The following VEPH1 variants were observed in gnomAD, a reference collection of about 807,000 sequenced individuals.
VEPH1 encodes ventricular zone expressed PH domain containing 1.
In VEPH1, 80 loss-of-function variants were observed where a neutral mutation model predicts 85.2. The ratio of observed to expected loss-of-function variants is 0.94; its 90% CI spans 0.78 to 1.13. The LOEUF (loss-of-function observed/expected upper bound fraction) is 1.13. Among genes scored for constraint, VEPH1 ranks in the 50% most tolerant of loss-of-function variants. The pLI, the probability that VEPH1 is intolerant of heterozygous loss-of-function variation, is 0.00. For missense variants in VEPH1, 955 were observed against 980.5 expected (o/e 0.97, Z 0.35); for synonymous variants, 297 against 348.0 (o/e 0.85, Z 1.63).
intron 6 of VEPH1, 196 bp from the exon 7 acceptor site, chr3:157,381,572 A>G: frequency 1.7e-6 from 1 of 573,582 alleles, no homozygotes. Flanking sequence ...TACAAAAACT[A>G]GCCGGGCACA....
At chr3:157,422,251 G>T (rs1011946245) in intron 5 of VEPH1, among the ~76,000 whole-genome samples, 5 of 152,112 alleles carry the variant, frequency 3.3e-5, no homozygotes, top group African/African-American at 1.2e-4. Flanking sequence ...ATGGTCAGTG[G>T]GGGACATGAA....
rs758357645 is a variant in VEPH1 at position 157,261,199 on chromosome 3, A to C, written c.2437T>G (p.Cys813Gly). 6.2e-6 allele frequency: 10 copies of C among 1,613,728 alleles called. No homozygotes were observed. In the Admixed American group the frequency reaches 1.5e-4, roughly 24 times the overall value. ...DEKNAEEWLQ[C>G]INVAVAQAKE... is the part of the protein sequence containing the mutation. The stretch of plus-strand genomic sequence containing the variant: ...GCTTGGGCAACTGCCACGTTGATGC[A>C]CTGGAGCCATTCTTCTGCATTCTTC... The change falls in exon 14 of 14, where the codon TGC becomes GGC. Residue 813 changes from cysteine (C) to glycine (G), a missense_variant. Cys to Gly is a radical substitution (Grantham distance 159). Coordinates refer to ENST00000362010, the MANE Select transcript of VEPH1 (RefSeq NM_001167912.2).
chr3:157,329,684 G>A (rs1288131460), intron 9 of VEPH1, among the ~76,000 whole-genome samples: 1 of 151,682 alleles, frequency 6.6e-6, no homozygotes, highest in Non-Finnish European at 1.5e-5. Flanking sequence ...CTGCTCAGAT[G>A]AAAAGTCATA....
chr3:157,380,474 TA>T (rs1433551293), intron 7 of VEPH1, among the ~76,000 whole-genome samples: 1 of 152,234 alleles, frequency 6.6e-6, no homozygotes, highest in Non-Finnish European at 1.5e-5. Context: ...CCTTGTAACA[TA>T]ACCCTAGTCA....
chr3:157,487,992 C>T (rs149853027), intron 2 of VEPH1, among the ~76,000 whole-genome samples: 1 of 152,140 alleles, frequency 6.6e-6, no homozygotes, highest in Admixed American at 6.5e-5. Context: ...ATAACTCATT[C>T]TAGTCAATCT....
intron 7 of VEPH1, among the ~76,000 whole-genome samples, chr3:157,375,533 C>T (rs1165544221): frequency 6.6e-6 from 1 of 152,166 alleles, no homozygotes; most frequent in African/African-American, 2.4e-5. Context: ...TGTCTCTTTG[C>T]TGTACTCCAT....
intron 12 of VEPH1, among the ~76,000 whole-genome samples, chr3:157,267,531 T>G (rs890027782): frequency 2.0e-5 from 3 of 150,626 alleles, no homozygotes; most frequent in Non-Finnish European, 3.0e-5. Flanking sequence ...ATGCCTGTAA[T>G]CCCAGCACTT....
intron 11 of VEPH1, among the ~76,000 whole-genome samples, chr3:157,303,317 G>A (rs1719049695): frequency 1.3e-5 from 2 of 152,168 alleles, no homozygotes; most frequent in Non-Finnish European, 2.9e-5. Context: ...GTGGAATTGT[G>A]TATTTGTTTC....
At chr3:157,264,256 T>C (rs1608127) in intron 13 of VEPH1, among the ~76,000 whole-genome samples, 60,747 of 152,110 alleles carry the variant, frequency 0.4, 12,616 homozygotes, top group East Asian at 0.57. Context: ...CCCAGCTCAC[T>C]GCCATACCCA....
intron 2 of VEPH1, 143 bp from the exon 3 acceptor site, chr3:157,470,672 G>A: frequency 2.9e-6 from 2 of 698,196 alleles, no homozygotes; most frequent in Non-Finnish European, 4.8e-6. Context: ...ATACAATAAA[G>A]GCTTCCTTCC....
At chr3:157,395,453 G>T (rs910564886) in intron 6 of VEPH1, among the ~76,000 whole-genome samples, 1 of 152,164 alleles carries the variant, frequency 6.6e-6, no homozygotes, top group Non-Finnish European at 1.5e-5. Context: ...ATGTTGCTGA[G>T]CCCATGAATA....
Position 157,363,419 on chromosome 3 carries a change from T to C in VEPH1, c.1680A>G (p.Ala560=), listed in dbSNP as rs763372449. 3 of 1,613,014 alleles carry C rather than the reference T, an allele frequency of 1.9e-6. No homozygotes were observed. The highest frequency in any genetic ancestry group is 2.5e-6 in the Non-Finnish European group (3 of 1,179,766). Residue 560 remains alanine (A), a synonymous_variant, in exon 9 of 14, where the codon GCA becomes GCG. Transcript: ENST00000362010. ...TCTTCTTTCCAATTTCCATGGCATATGCTTTCACTTTGCTGAGGTTTTTTT... is the reference window on the plus strand; with the variant it reads ...TCTTCTTTCCAATTTCCATGGCATACGCTTTCACTTTGCTGAGGTTTTTTT... ...HLKKNLSKVK[A]YAMEIGKKIP...
chr3:157,347,277 T>C (rs548086203), intron 9 of VEPH1, among the ~76,000 whole-genome samples: 1 of 152,206 alleles, frequency 6.6e-6, no homozygotes, highest in Non-Finnish European at 1.5e-5. Context: ...AAAGACATGA[T>C]TGAGACATAG....
At chr3:157,445,497 T>C (rs1209503101) in intron 4 of VEPH1, among the ~76,000 whole-genome samples, 1 of 152,172 alleles carries the variant, frequency 6.6e-6, no homozygotes, top group East Asian at 1.9e-4. Context: ...GGTACGCACC[T>C]GCAGTCCCAG....
At chr3:157,270,608 T>G (rs1172009307) in intron 12 of VEPH1, among the ~76,000 whole-genome samples, 1 of 152,132 alleles carries the variant, frequency 6.6e-6, no homozygotes. Context: ...AGTATAATAA[T>G]AACAGGTCTC....
chr3:157,366,137 G>T (rs547413318), intron 7 of VEPH1, among the ~76,000 whole-genome samples: 1 of 152,164 alleles, frequency 6.6e-6, no homozygotes, highest in Non-Finnish European at 1.5e-5. Context: ...GATTCTGAGG[G>T]TTTAGGAGCT....
chr3:157,328,422 T>C (rs114863925), intron 9 of VEPH1, among the ~76,000 whole-genome samples: 183 of 152,350 alleles, frequency 1.2e-3, no homozygotes, highest in African/African-American at 4.4e-3. Context: ...ATAATGACCC[T>C]TGGCATCTAG....
chr3:157,401,886 G>T (rs534308441), intron 6 of VEPH1, among the ~76,000 whole-genome samples: 1 of 152,284 alleles, frequency 6.6e-6, no homozygotes, highest in African/African-American at 2.4e-5. Flanking sequence ...TAGTTAGGAT[G>T]TCTGCAGAAG....
chr3:157,433,937 A>T (rs1252509857), intron 4 of VEPH1, among the ~76,000 whole-genome samples: 1 of 152,160 alleles, frequency 6.6e-6, no homozygotes, highest in Admixed American at 6.5e-5. Context: ...TTCGCATTTG[A>T]ATGATCAGTT....
Sources: allele counts gnomAD v4.1 joint callset (sites outside exome capture counted in the v4.1 genomes callset), GRCh38; gene constraint gnomAD v4.1.1; transcripts MANE v1.5; gene names NCBI Gene and HGNC (gene_info 2026-07-23, HGNC 2026-07-21).